The following STXBP6 variants were observed in gnomAD, a reference collection of about 807,000 sequenced individuals.
The protein encoded by STXBP6 is syntaxin-binding protein 6.
In STXBP6, 21 loss-of-function variants were observed where a neutral mutation model predicts 26.9. The ratio of observed to expected loss-of-function variants is 0.78; its 90% CI spans 0.55 to 1.12. The LOEUF is 1.12. Among genes scored for constraint, STXBP6 ranks in the 50% most tolerant of loss-of-function variants. STXBP6 has a pLI of 0.00. For missense variants in STXBP6, 232 were observed against 257.9 expected, an observed-to-expected ratio of 0.90 and a Z score of 0.69; for synonymous variants, 97 against 92.6, an observed-to-expected ratio of 1.05 and a Z score of -0.27.
chr14:24,991,933 C>T (rs1441248856), intron 1 of STXBP6, among the ~76,000 whole-genome samples: 1 of 152,178 alleles, frequency 6.6e-6, no homozygotes, highest in African/African-American at 2.4e-5. Flanking sequence ...ACCTGGTGGC[C>T]CTCCTCCTAA....
chr14:24,897,784 C>G (rs1464885566), intron 2 of STXBP6, among the ~76,000 whole-genome samples: 1 of 152,166 alleles, frequency 6.6e-6, no homozygotes, highest in Non-Finnish European at 1.5e-5. Flanking sequence ...TGTGGGTAAT[C>G]AGTACCATGG....
chr14:24,877,317 G>A lies in STXBP6; in HGVS notation c.155-20160C>T, dbSNP rs554419900. On this transcript the variant is annotated intron_variant, in intron 2 of 5. Coordinates refer to ENST00000323944, the MANE Select transcript of STXBP6 (RefSeq NM_001394410.1). ...CTTTTTAAAATTTTATTTTAAACAT[G>A]CAATACATTTTCACACAATCAAAAA... 2.1e-4 allele frequency among the ~76,000 whole-genome samples: 32 copies of A among 152,148 alleles called. No individual in the cohort carries two copies. In the South Asian group the frequency reaches 6.0e-3, roughly 29 times the overall value.
At chr14:24,974,310 T>C (rs757007786) in intron 2 of STXBP6, among the ~76,000 whole-genome samples, 8 of 152,218 alleles carry the variant, frequency 5.3e-5, no homozygotes, top group Admixed American at 1.3e-4. Context: ...CTGTGAGTAA[T>C]GACAATTATT....
chr14:25,006,419 G>A (rs1304431297), intron 1 of STXBP6, among the ~76,000 whole-genome samples: 6 of 152,132 alleles, frequency 3.9e-5, no homozygotes, highest in Non-Finnish European at 7.3e-5. Context: ...ATATGTGTGT[G>A]TATACATACA....
At chr14:24,939,080 A>G (rs556836176) in intron 2 of STXBP6, among the ~76,000 whole-genome samples, 57 of 152,342 alleles carry the variant, frequency 3.7e-4, no homozygotes, top group Non-Finnish European at 6.5e-4. Flanking sequence ...AATGAAAAGA[A>G]ATTAATCATA....
At chr14:24,985,043 C>G (rs983249463) in intron 1 of STXBP6, among the ~76,000 whole-genome samples, 1 of 152,230 alleles carries the variant, frequency 6.6e-6, no homozygotes, top group East Asian at 1.9e-4. Flanking sequence ...GTACAAGATA[C>G]TGTTATCACC....
intron 1 of STXBP6, chr14:24,987,971 T>C (rs2074375920): frequency 2.6e-6 from 2 of 777,912 alleles, no homozygotes; most frequent in Non-Finnish European, 1.6e-6. Flanking sequence ...GGAGCTTACA[T>C]TCTAGTGGGG....
chr14:24,897,941 A>T (rs2071056364), intron 2 of STXBP6, among the ~76,000 whole-genome samples: 1 of 152,198 alleles, frequency 6.6e-6, no homozygotes, highest in African/African-American at 2.4e-5. Flanking sequence ...GTAAATAAAC[A>T]AAGGGTATAA....
At chr14:25,030,829 G>T (rs985633166) in intron 1 of STXBP6, among the ~76,000 whole-genome samples, 2 of 151,670 alleles carry the variant, frequency 1.3e-5, no homozygotes. Context: ...TTTTAATTAA[G>T]GTAGATTTAA....
At chr14:24,962,267 A>C (rs2073567103) in intron 2 of STXBP6, among the ~76,000 whole-genome samples, 1 of 151,900 alleles carries the variant, frequency 6.6e-6, no homozygotes, top group Non-Finnish European at 1.5e-5. Flanking sequence ...CTGGTTGTTA[A>C]GCGCACAAAG....
chr14:24,825,696 T>G (rs965603781), intron 4 of STXBP6, among the ~76,000 whole-genome samples: 1 of 152,196 alleles, frequency 6.6e-6, no homozygotes, highest in African/African-American at 2.4e-5. Context: ...AAAAGCCCAA[T>G]GCTCCCTCCC....
At position 24,832,625 on chromosome 14, in the gene STXBP6, C is replaced by A. The variant is rs550580437; in HGVS notation, c.452-13431G>T. 2.5e-4 allele frequency among the ~76,000 whole-genome samples: 38 copies of A among 152,294 alleles called. 1 individual carries two copies. The South Asian group carries it at 6.8e-3, about 27-fold the overall frequency. On this transcript the variant is annotated intron_variant, in intron 4 of 5. Transcript: ENST00000323944. ...CATATTTTACTTCCCAAGAAGGATGCTCTAAAAATTCCTGCCAACTGGTCA... is the reference window on the plus strand; with the variant it reads ...CATATTTTACTTCCCAAGAAGGATGATCTAAAAATTCCTGCCAACTGGTCA...
intron 4 of STXBP6, among the ~76,000 whole-genome samples, chr14:24,840,977 A>G (rs2068766326): frequency 6.6e-6 from 1 of 152,226 alleles, no homozygotes; most frequent in Admixed American, 6.5e-5. Flanking sequence ...AGTTATTTCA[A>G]GAAAACATTC....
chr14:24,856,206 C>T (rs753272889), intron 3 of STXBP6, 105 bp from the exon 4 acceptor site: 16 of 1,160,848 alleles, frequency 1.4e-5, no homozygotes, highest in Admixed American at 3.2e-5. Flanking sequence ...AGACTTTGAT[C>T]GCAATCATAA....
intron 4 of STXBP6, among the ~76,000 whole-genome samples, chr14:24,837,235 T>C (rs1213158469): frequency 6.6e-6 from 1 of 152,180 alleles, no homozygotes; most frequent in East Asian, 1.9e-4. Context: ...GGAAAATTTG[T>C]ATTTTTAAAG....
chr14:24,892,969 T>C (rs1322091429), intron 2 of STXBP6, among the ~76,000 whole-genome samples: 1 of 152,132 alleles, frequency 6.6e-6, no homozygotes, highest in Non-Finnish European at 1.5e-5. Context: ...TGAAGTGCTC[T>C]GCCAAGAGAC....
rs563813701 is a variant in STXBP6, at chr14:24,911,425, A to G, written c.155-54268T>C. Among the ~76,000 whole-genome samples, 60 of 152,024 alleles carry G rather than the reference A, an allele frequency of 3.9e-4. 2 individuals are homozygous for G. The South Asian group carries it at 0.012, about 31-fold the overall frequency. On this transcript the variant is annotated intron_variant, in intron 2 of 5. Coordinates refer to ENST00000323944, the MANE Select transcript of STXBP6 (RefSeq NM_001394410.1). ...AAGAAAGGAAAGGAAGAAGAAGGAAAGGAAGGAAAGAAAGAAACCAAGCAG... is the reference window on the plus strand; with the variant it reads ...AAGAAAGGAAAGGAAGAAGAAGGAAGGGAAGGAAAGAAAGAAACCAAGCAG...
chr14:24,884,070 G>A (rs1461007525), intron 2 of STXBP6, among the ~76,000 whole-genome samples: 1 of 151,658 alleles, frequency 6.6e-6, no homozygotes. Context: ...TAACTGTATA[G>A]CTATCTCTGC....
At position 24,843,382 on chromosome 14, in the gene STXBP6, A is replaced by T. The variant is rs142186636; in HGVS notation, c.451+12554T>A. 2.0e-5 allele frequency among the ~76,000 whole-genome samples: 3 copies of T among 152,324 alleles called. No individual in the cohort carries two copies. In the East Asian group the frequency reaches 5.8e-4, roughly 29 times the overall value. ...CTCAAAGCCATGTTTCTCTACTTCC[A>T]TTAACTCCTGTGTCCAGGGAGAAAT... On this transcript the variant is annotated intron_variant, in intron 4 of 5. Transcript: ENST00000323944.
Sources: allele counts gnomAD v4.1 joint callset (sites outside exome capture counted in the v4.1 genomes callset), GRCh38; gene constraint gnomAD v4.1.1; transcripts MANE v1.5; gene names NCBI Gene and HGNC (gene_info 2026-07-23, HGNC 2026-07-21).